LRBA: variants seen among roughly 807,000 people sequenced by gnomAD.
LRBA encodes LPS responsive beige-like anchor protein, also known as lipopolysaccharide-responsive and beige-like anchor protein.
In LRBA, 176 loss-of-function variants were observed where a neutral mutation model predicts 330.0. The observed-to-expected ratio is 0.53, with a 90% CI of 0.47 to 0.60. The LOEUF (loss-of-function observed/expected upper bound fraction) is 0.60, where lower values mean the gene tolerates loss of function less well. LRBA is among the 20% of genes least tolerant of loss of function. The pLI is 0.00. For synonymous variants in LRBA, 1,230 were observed against 1,193.0 expected (o/e 1.03, Z -0.64); for missense variants, 3,259 against 3,444.8 (o/e 0.95, Z 1.35).
intron 2 of LRBA, among the ~76,000 whole-genome samples, chr4:150,969,238 C>T (rs763021083): frequency 2.5e-4 from 38 of 152,184 alleles, no homozygotes; most frequent in Admixed American, 1.1e-3. Context: ...ACTTTCAAAT[C>T]TTATTATCTA....
Position 150,470,040 on chromosome 4 carries a change from G to A in LRBA, c.6667+1584C>T, listed in dbSNP as rs530270676. ...TCTACTAAAAATACAAAAATTAGCC[G>A]GGTGTGGTGGCAGGAGCCTAAAATC... is the stretch of plus-strand genomic sequence containing the variant. On this transcript the variant is annotated intron_variant, in intron 43 of 56. Coordinates refer to ENST00000651943, the MANE Select transcript of LRBA (RefSeq NM_001364905.1). Among the ~76,000 whole-genome samples, 13 of 146,868 alleles carry A rather than the reference G, an allele frequency of 8.9e-5. No individual in the cohort carries two copies. In the East Asian group the frequency reaches 1.2e-3, roughly 13 times the overall value.
intron 37 of LRBA, among the ~76,000 whole-genome samples, chr4:150,621,521 T>C (rs1004709629): frequency 2.6e-5 from 4 of 152,210 alleles, no homozygotes; most frequent in Non-Finnish European, 4.4e-5. Flanking sequence ...ATTAAATACC[T>C]GTTGGATCTT....
chr4:150,394,718 C>T (rs1744468090), intron 47 of LRBA, among the ~76,000 whole-genome samples: 1 of 152,158 alleles, frequency 6.6e-6, no homozygotes, highest in South Asian at 2.1e-4. Flanking sequence ...TTACATGGCA[C>T]AGGCTTCACT....
chr4:150,662,885 A>T (rs1246754232), intron 37 of LRBA, among the ~76,000 whole-genome samples: 4 of 152,202 alleles, frequency 2.6e-5, no homozygotes. Flanking sequence ...TGACCCCAGG[A>T]GGTCAAGACT....
chr4:150,667,603 G>C (rs1189348354), intron 37 of LRBA, among the ~76,000 whole-genome samples: 2 of 152,162 alleles, frequency 1.3e-5, no homozygotes, highest in Non-Finnish European at 2.9e-5. Context: ...GACAATATTA[G>C]GAGGTAGGGT....
At chr4:150,441,035 C>T (rs895567863) in intron 44 of LRBA, among the ~76,000 whole-genome samples, 5 of 151,958 alleles carry the variant, frequency 3.3e-5, no homozygotes, top group African/African-American at 1.2e-4. Context: ...TTTTTTGTTA[C>T]GTTCTTTGAG....
intron 28 of LRBA, among the ~76,000 whole-genome samples, chr4:150,842,774 T>TA (rs1749281112): frequency 6.6e-6 from 1 of 152,166 alleles, no homozygotes; most frequent in Non-Finnish European, 1.5e-5. Flanking sequence ...GCACATTACT[T>TA]AAATATTGCT....
chr4:150,302,902 C>T, intron 52 of LRBA, 110 bp from the exon 53 acceptor site: 1 of 696,642 alleles, frequency 1.4e-6, no homozygotes. Context: ...GGTCATAATT[C>T]AGATTTTATA....
At chr4:150,737,702 T>G (rs534728504) in intron 35 of LRBA, among the ~76,000 whole-genome samples, 8 of 152,248 alleles carry the variant, frequency 5.3e-5, no homozygotes, top group South Asian at 4.1e-4. Context: ...CCAAAAGAAT[T>G]TAGCTTTCAT....
chr4:150,707,682 G>C (rs191440284), intron 36 of LRBA, among the ~76,000 whole-genome samples: 1 of 151,770 alleles, frequency 6.6e-6, no homozygotes, highest in East Asian at 1.9e-4. Context: ...ACAGTGGAAG[G>C]GGGTGAGACA....
rs777022169 is a variant in LRBA at position 150,412,428 on chromosome 4, G to A, written c.7194+3010C>T. ...CCAAATCTACTTGTAAAGCAATTAC[G>A]TAAACCACAATCTTCTTTTCCTTAG... On this transcript the variant is annotated intron_variant, in intron 47 of 56. Transcript: ENST00000651943. Among the ~76,000 whole-genome samples, 43 of 152,222 alleles carry A rather than the reference G, an allele frequency of 2.8e-4. No homozygotes were observed. In the Middle Eastern group the frequency reaches 0.01, roughly 36 times the overall value.
At chr4:150,282,718 C>G in intron 54 of LRBA, 72 bp from the exon 55 acceptor site, 2 of 1,057,768 alleles carry the variant, frequency 1.9e-6, no homozygotes, top group East Asian at 4.8e-5. Context: ...ATCTTGAGCA[C>G]AGATCAAACA....
intron 40 of LRBA, among the ~76,000 whole-genome samples, chr4:150,566,580 T>G (rs2152277805): frequency 6.6e-6 from 1 of 152,230 alleles, no homozygotes; most frequent in South Asian, 2.1e-4. Flanking sequence ...AAAGCTATAC[T>G]TTAATTTTAA....
intron 44 of LRBA, 96 bp downstream of exon 44, chr4:150,467,577 G>GA: frequency 1.4e-6 from 1 of 721,342 alleles, no homozygotes; most frequent in Non-Finnish European, 2.3e-6. Flanking sequence ...GACTATATTT[G>GA]AAAAAAATTT....
chr4:150,583,187 T>G lies in LRBA; in HGVS notation c.6330+4861A>C. 6.2e-7 allele frequency: 1 copy of G among 1,614,222 alleles called. No homozygotes were observed. The highest frequency in any genetic ancestry group is 8.5e-7 in the Non-Finnish European group (1 of 1,180,024). Reference sequence around the variant, plus strand: ...GTGGAGGTGCAGGAGCCTCGCTTCATCAGCTCCTTGAGCGAGATCGATGCC... The same window carrying G: ...GTGGAGGTGCAGGAGCCTCGCTTCAGCAGCTCCTTGAGCGAGATCGATGCC... On this transcript the variant is annotated intron_variant, in intron 40 of 56. Transcript: ENST00000651943. The surrounding 1 kb of genome is among the most constrained non-coding windows in gnomAD (Gnocchi z 9.8).
intron 44 of LRBA, among the ~76,000 whole-genome samples, chr4:150,456,317 C>T (rs1754060668): frequency 6.6e-6 from 1 of 152,176 alleles, no homozygotes. Flanking sequence ...CTTTTCTTCA[C>T]ATGCTCACCA....
At chr4:150,603,662 G>A (rs1774341317) in intron 37 of LRBA, among the ~76,000 whole-genome samples, 1 of 151,956 alleles carries the variant, frequency 6.6e-6, no homozygotes, top group African/African-American at 2.4e-5. Flanking sequence ...TAGTAATCTG[G>A]CTAATTTTTT....
At chr4:150,604,147 G>A (rs1774389590) in intron 37 of LRBA, among the ~76,000 whole-genome samples, 1 of 152,064 alleles carries the variant, frequency 6.6e-6, no homozygotes, top group Non-Finnish European at 1.5e-5. Context: ...TGTGGCTAAT[G>A]CCTGTAATCC....
At chr4:150,741,915 G>A (rs1019849684) in intron 35 of LRBA, among the ~76,000 whole-genome samples, 1 of 151,858 alleles carries the variant, frequency 6.6e-6, no homozygotes, top group African/African-American at 2.4e-5. Flanking sequence ...TAATGGCCAC[G>A]GAGTTCTAAA....
Sources: allele counts gnomAD v4.1 joint callset (sites outside exome capture counted in the v4.1 genomes callset), GRCh38; gene constraint gnomAD v4.1.1; non-coding constraint Gnocchi (gnomAD v3.1); transcripts MANE v1.5; gene names NCBI Gene and HGNC (gene_info 2026-07-23, HGNC 2026-07-21).